Variants in ASTL observed in about 807,000 individuals in gnomAD.
The protein encoded by ASTL is astacin like metalloendopeptidase, also known as astacin-like metalloendopeptidase.
Under a neutral mutation model 36.7 loss-of-function variants are expected in ASTL, and 27 were observed. That is an observed-to-expected ratio of 0.73 (90% CI 0.54 to 1.01). The LOEUF is 1.01. Ranked by LOEUF, ASTL falls within the 50% of genes least tolerant of loss-of-function variation. ASTL has a pLI of 0.00. For missense variants in ASTL, 524 were observed against 572.8 expected (o/e 0.91, Z 0.87); for synonymous variants, 222 against 228.1 (o/e 0.97, Z 0.24).
Position 96,132,662 on chromosome 2 carries a change from C to T in ASTL, c.515G>A (p.Cys172Tyr), listed in dbSNP as rs764416739. The T allele has an allele frequency of 1.2e-6, 2 of 1,613,420 alleles. No individual in the cohort carries two copies. Among genetic ancestry groups the T allele is most frequent in the Non-Finnish European group, 1.7e-6 (2 of 1,179,688 alleles). ...GMQVVSLAPT[C>Y]LQKGRGIVLH... ...GACAATGCCCCGGCCCTTCTGGAGA[C>T]ACGTGGGCGCCAGGGAGACCACCTG... The change falls in exon 6 of 9, where the codon TGT becomes TAT. Residue 172 changes from cysteine to tyrosine, a missense_variant. Physicochemically the swap from Cys to Tyr is radical, Grantham distance 194. Transcript: ENST00000342380. This position sits in a 1 kb window ranked among gnomAD's most constrained non-coding sequence, Gnocchi z 5.4.
At chr2:96,137,551 C>G in intron 2 of ASTL, 24 bp downstream of exon 2, 2 of 1,609,310 alleles carry the variant, frequency 1.2e-6, no homozygotes, top group Middle Eastern at 3.3e-4. Context: ...CCCTCCAGGC[C>G]GTGAGAAGAT....
chr2:96,129,113 T>C (rs1439412834), intron 8 of ASTL, among the ~76,000 whole-genome samples: 1 of 152,210 alleles, frequency 6.6e-6, no homozygotes, highest in Non-Finnish European at 1.5e-5. Flanking sequence ...ATAGATTAAT[T>C]TGGGAAGACT....
In ASTL at chr2:96,132,425, G is replaced by T; in HGVS notation, c.637+115C>A. On this transcript the variant is annotated intron_variant, in intron 6 of 8. Coordinates refer to ENST00000342380, the MANE Select transcript of ASTL (RefSeq NM_001002036.4). This position sits in a 1 kb window ranked among gnomAD's most constrained non-coding sequence, Gnocchi z 5.4. ...GAGACCCCCACCTTCCCCACAGGAA[G>T]CAGGCAGGTGATGGGGAGGATGGAT... is the stretch of plus-strand genomic sequence containing the variant. 2 of 917,798 alleles carry T rather than the reference G, an allele frequency of 2.2e-6. No homozygotes were observed. Among genetic ancestry groups the T allele is most frequent in the Non-Finnish European group, 3.2e-6 (2 of 624,442 alleles). 56.9% of individuals were successfully genotyped at this position (917,798 alleles called of 1,614,324 possible). A position where few individuals can be genotyped will look rare whatever the true frequency, so the allele number is the denominator to read the frequency against.
intron 8 of ASTL, among the ~76,000 whole-genome samples, chr2:96,125,937 C>T (rs1408614255): frequency 6.6e-6 from 1 of 151,616 alleles, no homozygotes; most frequent in Non-Finnish European, 1.5e-5. Context: ...ATGTTTAGTA[C>T]AGTAAAAAAA....
chr2:96,124,252 AG>A lies in ASTL; in HGVS notation c.893del (p.Thr298MetfsTer54). ...PRGRGSHAHS[T>X]GRSPAPASLS... is the part of the protein sequence containing the mutation. ...GGGAGGCCGGAGCGGGGCTCCTACC[AG>A]TGCTGTGGGCATGGGACCCTGCAAC... On this transcript the variant is annotated frameshift_variant, in exon 9 of 9. Transcript: ENST00000342380. LOFTEE classifies it low-confidence loss of function (END_TRUNC). The surrounding 1 kb of genome is among the most constrained non-coding windows in gnomAD (Gnocchi z 4.1). 1 of 1,512,576 alleles carries A rather than the reference AG, an allele frequency of 6.6e-7. No individual in the cohort carries two copies. The highest frequency in any genetic ancestry group is 1.3e-5 in the South Asian group (1 of 74,392). The allele number at this position is 1,512,576 out of a possible 1,614,324, so 93.7% of individuals were successfully genotyped here. A position where few individuals can be genotyped will look rare whatever the true frequency, so the allele number is the denominator to read the frequency against.
chr2:96,134,669 C>T (rs1015640347), intron 3 of ASTL, among the ~76,000 whole-genome samples: 1 of 152,204 alleles, frequency 6.6e-6, no homozygotes, highest in Non-Finnish European at 1.5e-5. Context: ...GCCCTGCCCC[C>T]GGAGTTCCTG....
At chr2:96,135,446 C>G (rs375074901) in intron 2 of ASTL, 34 bp from the exon 3 acceptor site, 2 of 1,604,592 alleles carry the variant, frequency 1.2e-6, no homozygotes, top group East Asian at 2.2e-5. Flanking sequence ...TGGCCCATGT[C>G]CCCCAGAACA....
chr2:96,130,249 A>G (rs1682148152), intron 6 of ASTL, 104 bp from the exon 7 acceptor site: 2 of 885,488 alleles, frequency 2.3e-6, no homozygotes, highest in African/African-American at 1.6e-5. Flanking sequence ...AACTCACCCA[A>G]GCTGAGGGGC....
In ASTL at chr2:96,132,653, T is replaced by A; in HGVS notation, c.524A>T (p.Lys175Met). ...CTCATGAAGGACAATGCCCCGGCCC[T>A]TCTGGAGACACGTGGGCGCCAGGGA... Reference protein sequence around the residue: ...VVSLAPTCLQKGRGIVLHELM... With the variant: ...VVSLAPTCLQMGRGIVLHELM... Residue 175 changes from lysine (K) to methionine (M), a missense_variant, in exon 6 of 9, where the codon AAG becomes ATG. Lys to Met is a moderately conservative substitution (Grantham distance 95, BLOSUM62 -1). Coordinates refer to ENST00000342380, the MANE Select transcript of ASTL (RefSeq NM_001002036.4). The surrounding 1 kb of genome is among the most constrained non-coding windows in gnomAD (Gnocchi z 5.4). The A allele has an allele frequency of 6.2e-7, 1 of 1,613,496 alleles. No homozygotes were observed. Among genetic ancestry groups the A allele is most frequent in the South Asian group, 1.1e-5 (1 of 91,078 alleles).
chr2:96,129,795 T>C (rs1299734847), intron 8 of ASTL, 29 bp downstream of exon 8: 1 of 1,511,406 alleles, frequency 6.6e-7, no homozygotes, highest in Non-Finnish European at 8.9e-7. Context: ...TTCTCCAGGT[T>C]CAAGTCACCT....
intron 8 of ASTL, among the ~76,000 whole-genome samples, chr2:96,128,486 T>C (rs964289271): frequency 6.6e-6 from 1 of 152,108 alleles, no homozygotes; most frequent in Non-Finnish European, 1.5e-5. Flanking sequence ...ATGATATGAG[T>C]TAGGGATTTT....
chr2:96,131,860 G>A (rs375894969), intron 6 of ASTL, among the ~76,000 whole-genome samples: 11 of 152,170 alleles, frequency 7.2e-5, no homozygotes, highest in East Asian at 1.9e-4. Flanking sequence ...CCCCTCCCTC[G>A]TGGGGCTCTT....
intron 8 of ASTL, among the ~76,000 whole-genome samples, chr2:96,129,021 C>G (rs1682115435): frequency 6.7e-6 from 1 of 148,876 alleles, no homozygotes; most frequent in South Asian, 2.1e-4. Context: ...GCCTGGGTGA[C>G]AGAGTGAGAC....
chr2:96,128,712 C>G (rs1682109820), intron 8 of ASTL, among the ~76,000 whole-genome samples: 1 of 152,184 alleles, frequency 6.6e-6, no homozygotes, highest in African/African-American at 2.4e-5. Context: ...TAGGACAAGT[C>G]TTTTTAGTTT....
chr2:96,130,092 C>CA lies in ASTL; in HGVS notation c.690dup (p.Asp231Ter). ...CCATAGTGCATCACAGAGGAGTAGT[C>CA]ATAGGGCGTCAGCATGTTGCTGCTC... On this transcript the variant is annotated frameshift_variant, in exon 7 of 9. Coordinates refer to ENST00000342380, the MANE Select transcript of ASTL (RefSeq NM_001002036.4). LOFTEE classifies it high-confidence loss of function. The CA allele has an allele frequency of 6.2e-7, 1 of 1,614,132 alleles. No individual in the cohort carries two copies. The highest frequency in any genetic ancestry group is 1.1e-5 in the South Asian group (1 of 91,074).
chr2:96,135,495 T>C, intron 2 of ASTL, 83 bp from the exon 3 acceptor site: 1 of 1,221,954 alleles, frequency 8.2e-7, no homozygotes, highest in South Asian at 1.3e-5. Context: ...CCTACTTACT[T>C]AAGTCTATTC....
At chr2:96,130,593 C>T (rs1682157010) in intron 6 of ASTL, among the ~76,000 whole-genome samples, 1 of 152,224 alleles carries the variant, frequency 6.6e-6, no homozygotes, top group South Asian at 2.1e-4. Flanking sequence ...CAGTCACAGG[C>T]CCACCTGTTC....
At chr2:96,128,080 A>G (rs1306790562) in intron 8 of ASTL, among the ~76,000 whole-genome samples, 1 of 145,178 alleles carries the variant, frequency 6.9e-6, no homozygotes, top group Non-Finnish European at 1.5e-5. Context: ...TAAAAATACA[A>G]AATTAGCCAG....
intron 8 of ASTL, among the ~76,000 whole-genome samples, chr2:96,125,599 C>T (rs1682048911): frequency 6.6e-6 from 1 of 152,208 alleles, no homozygotes; most frequent in Admixed American, 6.5e-5. Context: ...GACCACAGGC[C>T]TTTCCACCAC....
Sources: allele counts gnomAD v4.1 joint callset (sites outside exome capture counted in the v4.1 genomes callset), GRCh38; gene constraint gnomAD v4.1.1; non-coding constraint Gnocchi (gnomAD v3.1); transcripts MANE v1.5; gene names NCBI Gene and HGNC (gene_info 2026-07-23, HGNC 2026-07-21).